MAGI2: variants seen among roughly 807,000 people sequenced by gnomAD.
The protein encoded by MAGI2 is membrane associated guanylate kinase, WW and PDZ domain containing 2, also known as membrane-associated guanylate kinase, WW and PDZ domain-containing protein 2.
MAGI2 carries 35 observed loss-of-function variants against 133.3 expected under a neutral mutation model. The ratio of observed to expected loss-of-function variants is 0.26; its 90% CI spans 0.20 to 0.35. The LOEUF is 0.35. Ranked by LOEUF, MAGI2 falls within the 10% of genes least tolerant of loss-of-function variation. MAGI2 has a pLI of 1.00. For missense variants in MAGI2, 1,636 were observed against 1,863.4 expected (o/e 0.88, Z 2.25); for synonymous variants, 729 against 710.6 (o/e 1.03, Z -0.41).
intron 1 of MAGI2, among the ~76,000 whole-genome samples, chr7:79,407,802 GA>G (rs553484113): frequency 1.7e-4 from 25 of 146,290 alleles, no homozygotes; most frequent in Non-Finnish European, 2.6e-4. Flanking sequence ...AGTTAGTTTT[GA>G]AAAAAAAAAC....
chr7:78,362,159 G>A (rs574289297), intron 7 of MAGI2, among the ~76,000 whole-genome samples: 10 of 152,068 alleles, frequency 6.6e-5, no homozygotes, highest in East Asian at 3.9e-4. Flanking sequence ...AAAATTAACC[G>A]AGTGTGGTAG....
At chr7:79,040,230 C>T (rs1218466420) in intron 1 of MAGI2, among the ~76,000 whole-genome samples, 2 of 152,010 alleles carry the variant, frequency 1.3e-5, no homozygotes, top group African/African-American at 2.4e-5. Context: ...CTCACTCCTG[C>T]CACCTTGTGA....
intron 6 of MAGI2, among the ~76,000 whole-genome samples, chr7:78,454,267 G>A (rs929060536): frequency 4.6e-5 from 7 of 152,020 alleles, no homozygotes; most frequent in African/African-American, 1.4e-4. Context: ...TTGATACATC[G>A]AGCTTATGAT....
intron 1 of MAGI2, among the ~76,000 whole-genome samples, chr7:79,098,776 T>A (rs544492112): frequency 6.6e-6 from 1 of 152,324 alleles, no homozygotes; most frequent in Non-Finnish European, 1.5e-5. Context: ...GCCAGAGCCC[T>A]GTCTGTGTTT....
intron 1 of MAGI2, among the ~76,000 whole-genome samples, chr7:79,101,442 G>C (rs1391531604): frequency 6.6e-6 from 1 of 152,032 alleles, no homozygotes; most frequent in Non-Finnish European, 1.5e-5. Flanking sequence ...AAGGAAAATG[G>C]GGCCGGGCGC....
chr7:78,743,770 A>T (rs1344335701), intron 2 of MAGI2, among the ~76,000 whole-genome samples: 1 of 152,228 alleles, frequency 6.6e-6, no homozygotes, highest in Admixed American at 6.5e-5. Flanking sequence ...AGCCTCTGAA[A>T]GACAATGTGA....
intron 1 of MAGI2, among the ~76,000 whole-genome samples, chr7:79,085,501 C>T (rs1816409175): frequency 6.6e-6 from 1 of 151,794 alleles, no homozygotes; most frequent in African/African-American, 2.4e-5. Flanking sequence ...GGAACAGTTT[C>T]TGTTGACTGA....
intron 21 of MAGI2, among the ~76,000 whole-genome samples, chr7:78,038,355 G>T (rs1810451186): frequency 1.3e-5 from 2 of 152,090 alleles, no homozygotes; most frequent in African/African-American, 4.8e-5. Context: ...AACTAGATCA[G>T]GATCTGCACC....
At chr7:78,314,065 C>A (rs1180399584) in intron 9 of MAGI2, among the ~76,000 whole-genome samples, 1 of 151,962 alleles carries the variant, frequency 6.6e-6, no homozygotes, top group Non-Finnish European at 1.5e-5. Context: ...CGTTTCTGTA[C>A]GATTTATCAT....
chr7:78,981,532 T>A (rs1804784197), intron 2 of MAGI2, among the ~76,000 whole-genome samples: 1 of 151,938 alleles, frequency 6.6e-6, no homozygotes, highest in Non-Finnish European at 1.5e-5. Flanking sequence ...TTTCCTTAAT[T>A]AATTTAAGCA....
At chr7:78,923,469 G>C (rs1441428901) in intron 2 of MAGI2, among the ~76,000 whole-genome samples, 2 of 152,114 alleles carry the variant, frequency 1.3e-5, no homozygotes, top group Non-Finnish European at 2.9e-5. Flanking sequence ...CCCATTGCTT[G>C]TTTTTCTCAG....
At chr7:78,334,981 G>A (rs1789603174) in intron 9 of MAGI2, among the ~76,000 whole-genome samples, 1 of 152,140 alleles carries the variant, frequency 6.6e-6, no homozygotes, top group Admixed American at 6.6e-5. Context: ...GACAAAACCT[G>A]CTGCCACCTG....
At chr7:78,193,206 C>T (rs1286000299) in intron 12 of MAGI2, among the ~76,000 whole-genome samples, 2 of 152,120 alleles carry the variant, frequency 1.3e-5, no homozygotes, top group Non-Finnish European at 2.9e-5. Context: ...AATCACAAAG[C>T]TTTGCATTGG....
At chr7:79,400,118 C>A (rs991035041) in intron 1 of MAGI2, among the ~76,000 whole-genome samples, 1 of 152,054 alleles carries the variant, frequency 6.6e-6, no homozygotes, top group Non-Finnish European at 1.5e-5. Context: ...TTCCCGCTAT[C>A]CTTCTCTTCA....
intron 2 of MAGI2, among the ~76,000 whole-genome samples, chr7:78,982,844 A>T (rs918765994): frequency 6.6e-6 from 1 of 151,918 alleles, no homozygotes; most frequent in African/African-American, 2.4e-5. Flanking sequence ...AAGAGGATGA[A>T]AATGGAAAGG....
At chr7:78,917,179 G>A (rs1378786066) in intron 2 of MAGI2, among the ~76,000 whole-genome samples, 1 of 151,982 alleles carries the variant, frequency 6.6e-6, no homozygotes, top group African/African-American at 2.4e-5. Flanking sequence ...GAAAAGAGAG[G>A]AAGAAGAAGG....
Position 78,195,046 on chromosome 7 carries a change from C to A in MAGI2, c.2097G>T (p.Glu699Asp), listed in dbSNP as rs766664490. The A allele has an allele frequency of 8.7e-6, 14 of 1,609,086 alleles. No homozygotes were observed. The South Asian group carries it at 1.6e-4, about 18-fold the overall frequency. ...AACTCGTTTGAGGACTGCCTTGATTCTCCCATCGGTCCATTATCTGAAAAG... is the reference window on the plus strand; with the variant it reads ...AACTCGTTTGAGGACTGCCTTGATTATCCCATCGGTCCATTATCTGAAAAG... ...KTPKPIMDRWENQGSPQTSLS... is the reference protein window; with the variant it reads ...KTPKPIMDRWDNQGSPQTSLS... Residue 699 changes from glutamate to aspartate, a missense_variant, in exon 12 of 22, where the codon GAG becomes GAT. Coordinates refer to ENST00000354212, the MANE Select transcript of MAGI2 (RefSeq NM_012301.4).
At chr7:78,528,347 C>T (rs952470042) in intron 3 of MAGI2, among the ~76,000 whole-genome samples, 1 of 152,100 alleles carries the variant, frequency 6.6e-6, no homozygotes, top group African/African-American at 2.4e-5. Flanking sequence ...TCATTTTATA[C>T]ACATCAGAGA....
intron 6 of MAGI2, among the ~76,000 whole-genome samples, chr7:78,439,625 G>C (rs562788424): frequency 2.6e-5 from 4 of 152,210 alleles, no homozygotes; most frequent in African/African-American, 9.6e-5. Context: ...TTATTGAGGT[G>C]AGCTAAAATT....
Sources: allele counts gnomAD v4.1 joint callset (sites outside exome capture counted in the v4.1 genomes callset), GRCh38; gene constraint gnomAD v4.1.1; transcripts MANE v1.5; gene names NCBI Gene and HGNC (gene_info 2026-07-23, HGNC 2026-07-21).